The following PHC2 variants were observed in gnomAD, a reference collection of about 807,000 sequenced individuals.
The protein encoded by PHC2 is polyhomeotic homolog 2.
PHC2 carries 29 observed loss-of-function variants against 87.4 expected under a neutral mutation model. The observed-to-expected ratio is 0.33, with a 90% CI of 0.25 to 0.45. The LOEUF is 0.45. PHC2 is among the 20% of genes least tolerant of loss of function. The probability of loss-of-function intolerance (pLI) is 1.00; values close to 1 mark genes in which losing one functional copy is unlikely to be tolerated. For missense variants in PHC2, 857 were observed against 1,136.7 expected (o/e 0.75, Z 3.54); for synonymous variants, 438 against 461.7 (o/e 0.95, Z 0.66).
At chr1:33,419,898 C>T (rs996976240) in intron 1 of PHC2, among the ~76,000 whole-genome samples, 13 of 151,760 alleles carry the variant, frequency 8.6e-5, no homozygotes, top group South Asian at 2.1e-4. Flanking sequence ...CGTGAGCCAC[C>T]GCGCCCGGCC....
intron 14 of PHC2, chr1:33,326,039 A>T (rs963286903): frequency 1.4e-5 from 5 of 359,798 alleles, no homozygotes; most frequent in South Asian, 4.0e-5. Context: ...AACATTTTGT[A>T]AAAATGTGGT....
At chr1:33,426,797 C>T (rs1650690997) in intron 1 of PHC2, among the ~76,000 whole-genome samples, 1 of 152,122 alleles carries the variant, frequency 6.6e-6, no homozygotes, top group South Asian at 2.1e-4. Flanking sequence ...AAATGCTTTC[C>T]TACCTTCAGG....
intron 1 of PHC2, among the ~76,000 whole-genome samples, chr1:33,422,338 G>C (rs985967160): frequency 6.6e-6 from 1 of 152,188 alleles, no homozygotes; most frequent in Non-Finnish European, 1.5e-5. Flanking sequence ...CCAGCTGCTA[G>C]AGTGAGGTAT....
chr1:33,413,404 T>C (rs561217184), intron 1 of PHC2, among the ~76,000 whole-genome samples: 34 of 152,372 alleles, frequency 2.2e-4, no homozygotes, highest in Admixed American at 1.8e-3. Flanking sequence ...GCCAGTCCAC[T>C]GACACTGGAT....
intron 1 of PHC2, among the ~76,000 whole-genome samples, chr1:33,414,931 TC>T (rs1183631629): frequency 1.3e-5 from 2 of 152,214 alleles, no homozygotes; most frequent in African/African-American, 2.4e-5. Flanking sequence ...AGATTTACTC[TC>T]CTGCCTTAAG....
chr1:33,370,948 G>C, intron 4 of PHC2, 69 bp downstream of exon 4: 2 of 1,252,958 alleles, frequency 1.6e-6, no homozygotes, highest in Non-Finnish European at 2.3e-6. Flanking sequence ...CACCACAACT[G>C]GGTCTGGGAA....
At chr1:33,373,821 A>ACGGGGCC (rs1368158557) in intron 2 of PHC2, among the ~76,000 whole-genome samples, 1 of 152,026 alleles carries the variant, frequency 6.6e-6, no homozygotes. Flanking sequence ...CCTTGCCAGA[A>ACGGGGCC]CGGGGCCCAG....
At position 33,324,904 on chromosome 1, in the gene PHC2, C is replaced by T; in HGVS notation, c.2541G>A (p.Leu847=). ...SAMNIKLGPA[L]KIYARISMLK... ...GCATGCTGATGCGGGCGTAGATCTT[C>T]AGGGCGGGCCCCAGCTTGATGTTCA... Residue 847 remains leucine, a synonymous_variant, in exon 15 of 15, where the codon CTG becomes CTA. Coordinates refer to ENST00000683057, the MANE Select transcript of PHC2 (RefSeq NM_001385109.1). 6.2e-7 allele frequency: 1 copy of T among 1,613,694 alleles called. No homozygotes were observed. The highest frequency in any genetic ancestry group is 8.5e-7 in the Non-Finnish European group (1 of 1,179,726).
intron 7 of PHC2, among the ~76,000 whole-genome samples, chr1:33,356,002 T>A (rs1171780636): frequency 3.9e-5 from 6 of 152,136 alleles, no homozygotes. Flanking sequence ...AACTACTATA[T>A]CAGTCTGGTT....
intron 7 of PHC2, among the ~76,000 whole-genome samples, chr1:33,356,281 A>ATATATATATG (rs1647082036): frequency 2.9e-5 from 4 of 136,418 alleles, no homozygotes; most frequent in Non-Finnish European, 4.6e-5. Context: ...ATATATGTAT[A>ATATATATATG]TATATATATA....
At chr1:33,325,836 GGC>G (rs1386263039) in intron 14 of PHC2, 1 of 456,340 alleles carries the variant, frequency 2.2e-6, no homozygotes, top group Non-Finnish European at 4.4e-6. Flanking sequence ...TATAGATGTG[GGC>G]GTGGCCTCAG....
At position 33,349,714 on chromosome 1, in the gene PHC2, G is replaced by C. The variant is rs1331019200; in HGVS notation, c.1558+4687C>G. 8 of 993,956 alleles carry C rather than the reference G, an allele frequency of 8.0e-6. No individual in the cohort carries two copies. The highest frequency in any genetic ancestry group is 9.6e-6 in the Non-Finnish European group (8 of 834,926). The allele number at this position is 993,956 out of a possible 1,614,324, so 61.6% of individuals were successfully genotyped here. On this transcript the variant is annotated intron_variant, in intron 9 of 14. Coordinates refer to ENST00000683057, the MANE Select transcript of PHC2 (RefSeq NM_001385109.1). The surrounding 1 kb of genome is among the most constrained non-coding windows in gnomAD (Gnocchi z 4.2). ...CGCCTCCTCTCCGCCGGGAGCCTCCGAGCCGGGGCCCGGGGCTGCCGCGGC... is the reference window on the plus strand; with the variant it reads ...CGCCTCCTCTCCGCCGGGAGCCTCCCAGCCGGGGCCCGGGGCTGCCGCGGC...
intron 2 of PHC2, among the ~76,000 whole-genome samples, chr1:33,372,688 C>T (rs150258509): frequency 2.0e-5 from 3 of 152,364 alleles, no homozygotes; most frequent in East Asian, 1.9e-4. Flanking sequence ...CTCCCCAGCA[C>T]GGCCTGCTCC....
At chr1:33,421,274 A>G (rs1015186933) in intron 1 of PHC2, among the ~76,000 whole-genome samples, 1 of 152,212 alleles carries the variant, frequency 6.6e-6, no homozygotes, top group Admixed American at 6.5e-5. Flanking sequence ...AAACAGGAAA[A>G]GAGGAATAAA....
Position 33,368,710 on chromosome 1 carries a change from C to A in PHC2, c.577-88G>T. On this transcript the variant is annotated intron_variant, in intron 5 of 14. Coordinates refer to ENST00000683057, the MANE Select transcript of PHC2 (RefSeq NM_001385109.1). The surrounding 1 kb of genome is among the most constrained non-coding windows in gnomAD (Gnocchi z 6.6). ...GGGCCTGGAATCACAGGAAACGAGG[C>A]GCCTTTTACCTGCTCGATGTGGACT... 1.1e-6 allele frequency: 1 copy of A among 916,950 alleles called. No individual in the cohort carries two copies. Among genetic ancestry groups the A allele is most frequent in the South Asian group, 1.4e-5 (1 of 71,372 alleles). The allele number at this position is 916,950 out of a possible 1,614,324, so 56.8% of individuals were successfully genotyped here.
intron 1 of PHC2, among the ~76,000 whole-genome samples, chr1:33,426,323 G>GT (rs1451954396): frequency 6.6e-6 from 1 of 151,902 alleles, no homozygotes; most frequent in Non-Finnish European, 1.5e-5. Context: ...CTGCTGGGGG[G>GT]GGGTCCATGG....
chr1:33,371,294 C>T (rs145013514), intron 3 of PHC2, among the ~76,000 whole-genome samples, 200 bp from the exon 4 acceptor site: 1 of 152,318 alleles, frequency 6.6e-6, no homozygotes, highest in Non-Finnish European at 1.5e-5. Context: ...CAGTACCTGC[C>T]TGATAGGATT....
intron 1 of PHC2, among the ~76,000 whole-genome samples, chr1:33,426,283 G>C (rs1650664704): frequency 6.6e-6 from 1 of 151,360 alleles, no homozygotes. Flanking sequence ...AAGCATTCCA[G>C]ACAATGGTGG....
Position 33,355,087 on chromosome 1 carries a change from G to C in PHC2, c.1143C>G (p.Val381=). Residue 381 remains valine (V), a synonymous_variant, in exon 8 of 15, where the codon GTC becomes GTG. Coordinates refer to ENST00000683057, the MANE Select transcript of PHC2 (RefSeq NM_001385109.1). The part of the protein sequence containing the change: ...QAEPHPQLAS[V]SPSVALQPSS... Reference sequence around the variant, plus strand: ...TGGGCTGGAGGGCCACGCTTGGAGAGACTGAGGCGAGCTGGGGGTGGGGCT... The same window carrying C: ...TGGGCTGGAGGGCCACGCTTGGAGACACTGAGGCGAGCTGGGGGTGGGGCT... The C allele has an allele frequency of 1.2e-6, 2 of 1,612,252 alleles. No homozygotes were observed. The highest frequency in any genetic ancestry group is 1.7e-6 in the Non-Finnish European group (2 of 1,179,298).
Sources: allele counts gnomAD v4.1 joint callset (sites outside exome capture counted in the v4.1 genomes callset), GRCh38; gene constraint gnomAD v4.1.1; non-coding constraint Gnocchi (gnomAD v3.1); transcripts MANE v1.5; gene names NCBI Gene and HGNC (gene_info 2026-07-23, HGNC 2026-07-21).